Variants in DSG3 observed in about 807,000 individuals in gnomAD.
DSG3 encodes desmoglein 3.
Under a neutral mutation model 85.9 loss-of-function variants are expected in DSG3, and 63 were observed. That is an observed-to-expected ratio of 0.73 (90% CI 0.60 to 0.90). The LOEUF is 0.90. Among genes scored for constraint, DSG3 ranks in the 40% least tolerant of loss-of-function variants. The probability of loss-of-function intolerance (pLI) is 0.00; values close to 1 mark genes in which losing one functional copy is unlikely to be tolerated. For synonymous variants in DSG3, 447 were observed against 441.9 expected, an observed-to-expected ratio of 1.01 and a Z score of -0.14; for missense variants, 1,220 against 1,219.9, an observed-to-expected ratio of 1.00 and a Z score of 0.00.
intron 1 of DSG3, among the ~76,000 whole-genome samples, chr18:31,454,673 GTT>G (rs58881473): frequency 1.5e-5 from 2 of 136,802 alleles, no homozygotes; most frequent in African/African-American, 2.6e-5. Flanking sequence ...CCATTAGTTT[GTT>G]TTTTTTTTTT....
Position 31,472,308 on chromosome 18 carries a change from G to T in DSG3, c.1922G>T (p.Cys641Phe). 6.2e-7 allele frequency: 1 copy of T among 1,614,044 alleles called. No individual in the cohort carries two copies. Among genetic ancestry groups the T allele is most frequent in the Non-Finnish European group, 8.5e-7 (1 of 1,179,948 alleles). Residue 641 changes from cysteine to phenylalanine, a missense_variant, in exon 13 of 16, where the codon TGT becomes TTT. Cys to Phe is a radical substitution (Grantham distance 205). Transcript: ENST00000257189. ...LLLAPLLLLT[C>F]DCGAGSTGGV... is the part of the protein sequence containing the mutation. The stretch of plus-strand genomic sequence containing the variant: ...GTGGCCCCCCTTCTGCTGTTGACCT[G>T]TGACTGTGGGGCAGGTTCTACTGGG...
chr18:31,456,423 T>G lies in DSG3; in HGVS notation c.49-17T>G. 1 of 1,348,438 alleles carries G rather than the reference T, an allele frequency of 7.4e-7. No homozygotes were observed. Among genetic ancestry groups the G allele is most frequent in the African/African-American group, 1.5e-5 (1 of 66,908 alleles). 83.5% of individuals were successfully genotyped at this position (1,348,438 alleles called of 1,614,324 possible). A position where few individuals can be genotyped will look rare whatever the true frequency, so the allele number is the denominator to read the frequency against. On this transcript the variant is annotated splice_polypyrimidine_tract_variant and intron_variant, in intron 1 of 15. Transcript: ENST00000257189. ...GAAGAATTCACATTTAATTCGACTT[T>G]ATTTAAATGTCTGCAGGTGGTCATA...
At chr18:31,454,844 A>G (rs1260873235) in intron 1 of DSG3, among the ~76,000 whole-genome samples, 3 of 152,006 alleles carry the variant, frequency 2.0e-5, no homozygotes, top group African/African-American at 7.2e-5. Context: ...AAGATACAAA[A>G]TTAGCCGGGT....
chr18:31,466,426 A>G, intron 10 of DSG3, 104 bp from the exon 11 acceptor site: 2 of 925,502 alleles, frequency 2.2e-6, no homozygotes, highest in Non-Finnish European at 3.4e-6. Flanking sequence ...TTTCATGAGA[A>G]GACACACTGA....
In DSG3 at chr18:31,464,390, T is replaced by C. The variant is rs2072804386; in HGVS notation, c.1271+8T>C. The C allele has an allele frequency of 6.3e-7, 1 of 1,598,250 alleles. No homozygotes were observed. On this transcript the variant is annotated splice_region_variant and intron_variant, in intron 9 of 15. Transcript: ENST00000257189. The stretch of plus-strand genomic sequence containing the variant: ...AGCTGCCTCAAATGTCAAGTAAGAC[T>C]ATTTTTATTTATATCCTATTTCTTG...
At chr18:31,461,459 C>A in intron 8 of DSG3, 47 bp downstream of exon 8, 2 of 1,416,208 alleles carry the variant, frequency 1.4e-6, no homozygotes, top group Non-Finnish European at 2.0e-6. Context: ...CTGTATTAAC[C>A]AAAATGATCA....
intron 1 of DSG3, among the ~76,000 whole-genome samples, chr18:31,455,201 A>G (rs2144263823): frequency 6.6e-6 from 1 of 152,250 alleles, no homozygotes; most frequent in South Asian, 2.1e-4. Context: ...TGCCTGCTGT[A>G]AGTATTACAT....
rs1453625032 is a variant in DSG3, at chr18:31,457,058, A to C, written c.150A>C (p.Glu50Asp). Residue 50 changes from glutamate (E) to aspartate (D), a missense_variant, in exon 3 of 16, where the codon GAA (glutamate) becomes GAC (aspartate). Glu to Asp is a conservative substitution (Grantham distance 45). Transcript: ENST00000257189. Reference protein sequence around the residue: ...MQQAKRRQKREWVKFAKPCRE... With the variant: ...MQQAKRRQKRDWVKFAKPCRE... ...AAGCTAAAAGAAGGCAAAAACGTGA[A>C]TGGGTGAAATTTGCCAAACCCTGCA... The C allele has an allele frequency of 6.2e-7, 1 of 1,613,354 alleles. No homozygotes were observed. Among genetic ancestry groups the C allele is most frequent in the East Asian group, 2.2e-5 (1 of 44,804 alleles).
At chr18:31,475,280 C>A (rs2072879370) in intron 15 of DSG3, among the ~76,000 whole-genome samples, 1 of 151,944 alleles carries the variant, frequency 6.6e-6, no homozygotes, top group Non-Finnish European at 1.5e-5. Context: ...AGTATCCAAG[C>A]AGACAAAGAG....
At position 31,452,504 on chromosome 18, in the gene DSG3, C is replaced by T. The variant is rs1016964316; in HGVS notation, c.49-3936C>T. Among the ~76,000 whole-genome samples the T allele has an allele frequency of 6.2e-5, 7 of 112,458 alleles. No individual in the cohort carries two copies. The East Asian group carries it at 1.3e-3, about 21-fold the overall frequency. 73.8% of individuals were successfully genotyped at this position (112,458 alleles called of 152,430 possible). A position where few individuals can be genotyped will look rare whatever the true frequency, so the allele number is the denominator to read the frequency against. ...ACTGCACTTCAGCCTTGTGACAGAGCGAGACTCCGTCTCAAAAAAAAAAAA... is the reference window on the plus strand; with the variant it reads ...ACTGCACTTCAGCCTTGTGACAGAGTGAGACTCCGTCTCAAAAAAAAAAAA... On this transcript the variant is annotated intron_variant, in intron 1 of 15. Transcript: ENST00000257189.
chr18:31,448,002 C>T lies in DSG3; in HGVS notation c.48+77C>T. 7.2e-6 allele frequency: 8 copies of T among 1,115,032 alleles called. 1 individual carries two copies. Among genetic ancestry groups the T allele is most frequent in the Non-Finnish European group, 9.9e-6 (8 of 810,926 alleles). The allele number at this position is 1,115,032 out of a possible 1,614,324, so 69.1% of individuals were successfully genotyped here. On this transcript the variant is annotated intron_variant, in intron 1 of 15. Transcript: ENST00000257189. ...TTAAAGAATATTATATTTGATTGCA[C>T]AATCTTTATTATAAATTCTAAAAGG...
intron 3 of DSG3, among the ~76,000 whole-genome samples, chr18:31,457,865 A>G (rs1598777493): frequency 6.6e-6 from 1 of 151,814 alleles, no homozygotes; most frequent in African/African-American, 2.4e-5. Flanking sequence ...TTCTGACCTC[A>G]TGATCTGCCC....
Position 31,474,395 on chromosome 18 carries a change from C to T in DSG3, c.2376C>T (p.Tyr792=), listed in dbSNP as rs559862653. The change falls in exon 15 of 16, where the codon TAC becomes TAT. Residue 792 remains tyrosine, a synonymous_variant. Transcript: ENST00000257189. The part of the protein sequence containing the change: ...GAISMNFLDS[Y]FSQKAFACAE... ...TAAGCATGAATTTTCTGGACTCCTA[C>T]TTTTCTCAGGTAATTTGGTGAAAAA... The T allele has an allele frequency of 2.5e-5, 40 of 1,599,302 alleles. No homozygotes were observed. In the South Asian group the frequency reaches 4.4e-4, roughly 17 times the overall value.
rs998915676 is a variant in DSG3 at position 31,477,584 on chromosome 18, AT to A, written c.*1330del. 6.6e-6 allele frequency: 1 copy of A among 152,210 alleles called. No homozygotes were observed. Among genetic ancestry groups the A allele is most frequent in the Non-Finnish European group, 1.5e-5 (1 of 68,026 alleles). The allele number at this position is 152,210 out of a possible 1,614,324, so 9.4% of individuals were successfully genotyped here. A position where few individuals can be genotyped will look rare whatever the true frequency, so the allele number is the denominator to read the frequency against. On this transcript the variant is annotated 3_prime_UTR_variant, in exon 16 of 16. Transcript: ENST00000257189. ...GGAAAGGGAATTATGAGTAACCTCT[AT>A]TTTTTAAGCCTTGCTTTTAAATTAA...
In DSG3 at chr18:31,460,006, C is replaced by G; in HGVS notation, c.679C>G (p.Arg227Gly). The change falls in exon 6 of 16, where the codon CGA becomes GGA. Residue 227 changes from arginine to glycine, a missense_variant. Physicochemically the swap from Arg to Gly is moderately radical, Grantham distance 125 (BLOSUM62 -2). Transcript: ENST00000257189. ...EVRTLTNSLD[R>G]EQASSYRLVV... Reference sequence around the variant, plus strand: ...CCGTACTTTGACCAATTCTCTTGACCGAGAGGTACAGCAAAGCACTTGGGG... The same window carrying G: ...CCGTACTTTGACCAATTCTCTTGACGGAGAGGTACAGCAAAGCACTTGGGG... 1 of 1,612,474 alleles carries G rather than the reference C, an allele frequency of 6.2e-7. No individual in the cohort carries two copies. The highest frequency in any genetic ancestry group is 8.5e-7 in the Non-Finnish European group (1 of 1,179,248).
At position 31,458,603 on chromosome 18, in the gene DSG3, A is replaced by C; in HGVS notation, c.372+3A>C. ...GGGAGGAAACTCCAAGCTTCCTGGT[A>C]AGTTTGGGTCCTCAACATTGGGCTA... On this transcript the variant is annotated splice_donor_region_variant and intron_variant, in intron 4 of 15. Transcript: ENST00000257189. 1.2e-6 allele frequency: 2 copies of C among 1,612,272 alleles called. No individual in the cohort carries two copies. The highest frequency in any genetic ancestry group is 1.7e-4 in the Middle Eastern group (1 of 6,048).
intron 9 of DSG3, 69 bp from the exon 10 acceptor site, chr18:31,465,249 G>A: frequency 8.9e-7 from 1 of 1,117,898 alleles, no homozygotes; most frequent in African/African-American, 1.6e-5. Context: ...TATAAAATGA[G>A]TCATTTTCAT....
rs571843341 is a variant in DSG3 at position 31,471,469 on chromosome 18, G to A, written c.1898-815G>A. 8.5e-5 allele frequency among the ~76,000 whole-genome samples: 13 copies of A among 152,172 alleles called. No homozygotes were observed. In the South Asian group the frequency reaches 2.1e-3, roughly 24 times the overall value. On this transcript the variant is annotated intron_variant, in intron 12 of 15. Transcript: ENST00000257189. Reference sequence around the variant, plus strand: ...AATTTAAACCCTAGAATCTGACTTCGGAGGCTGCATGCTTAAACCCCTCAC... The same window carrying A: ...AATTTAAACCCTAGAATCTGACTTCAGAGGCTGCATGCTTAAACCCCTCAC...
rs2072822968 is a variant in DSG3, at chr18:31,466,760, T to C, written c.1636+6T>C. The C allele has an allele frequency of 1.2e-6, 2 of 1,612,350 alleles. No individual in the cohort carries two copies. Among genetic ancestry groups the C allele is most frequent in the Non-Finnish European group, 1.7e-6 (2 of 1,178,576 alleles). On this transcript the variant is annotated splice_donor_region_variant and intron_variant, in intron 11 of 15. Coordinates refer to ENST00000257189, the MANE Select transcript of DSG3 (RefSeq NM_001944.3). ...GAGTATCACAACCCTCAATGGTGAG[T>C]AACAGTAAAGTTGCTTCTATAAATG...
Sources: gnomAD v4.1 joint callset for allele counts (sites outside exome capture counted in the v4.1 genomes callset) on GRCh38, gnomAD v4.1.1 for gene constraint, MANE v1.5 for transcripts, NCBI Gene and HGNC (gene_info 2026-07-23, HGNC 2026-07-21) for gene names.